Variants in MYO1B observed in about 807,000 individuals in gnomAD.
The protein encoded by MYO1B is myosin IB.
MYO1B carries 72 observed loss-of-function variants against 159.7 expected under a neutral mutation model. The observed-to-expected ratio is 0.45, with a 90% confidence interval of 0.37 to 0.55. The LOEUF (loss-of-function observed/expected upper bound fraction) is 0.55. MYO1B is among the 20% of genes least tolerant of loss of function. The probability of loss-of-function intolerance (pLI) is 0.00; values close to 1 mark genes in which losing one functional copy is unlikely to be tolerated. For missense variants in MYO1B, 1,062 were observed against 1,364.8 expected (o/e 0.78, Z 3.50); for synonymous variants, 468 against 473.8 (o/e 0.99, Z 0.16).
intron 5 of MYO1B, among the ~76,000 whole-genome samples, chr2:191,342,762 G>C (rs1274049498): frequency 6.6e-6 from 1 of 152,156 alleles, no homozygotes; most frequent in Non-Finnish European, 1.5e-5. Flanking sequence ...CATGAGAATC[G>C]CTTGAGTCTG....
intron 1 of MYO1B, among the ~76,000 whole-genome samples, chr2:191,258,725 A>G (rs1686611122): frequency 6.6e-6 from 1 of 152,174 alleles, no homozygotes; most frequent in African/African-American, 2.4e-5. Context: ...ATACACACTA[A>G]TACTGTGGAG....
intron 21 of MYO1B, among the ~76,000 whole-genome samples, chr2:191,399,673 A>G (rs1696484108): frequency 6.6e-6 from 1 of 152,184 alleles, no homozygotes; most frequent in Admixed American, 6.5e-5. Context: ...CGAGTCCAGC[A>G]ACACTGACTG....
chr2:191,304,735 T>G lies in MYO1B; in HGVS notation c.251+8509T>G, dbSNP rs546412833. 2.6e-5 allele frequency among the ~76,000 whole-genome samples: 4 copies of G among 152,330 alleles called. No homozygotes were observed. The South Asian group carries it at 8.3e-4, about 32-fold the overall frequency. The stretch of plus-strand genomic sequence containing the variant: ...AATGTTTTTATCATGAAAATTGTTA[T>G]GATATAAGAATACATTTATTAATTG... On this transcript the variant is annotated intron_variant, in intron 3 of 30. Transcript: ENST00000392318.
intron 4 of MYO1B, among the ~76,000 whole-genome samples, chr2:191,332,154 G>T (rs1017397330): frequency 2.0e-5 from 3 of 152,114 alleles, no homozygotes; most frequent in Admixed American, 2.0e-4. Context: ...GTAGAGATGG[G>T]GTTTCACCAT....
Position 191,424,717 on chromosome 2 carries a change from A to G in MYO1B, c.*757A>G, listed in dbSNP as rs1460348889. Reference sequence around the variant, plus strand: ...TCATTCTTATTTTAGAAAAAGTGACAGAAGCAGTCCAGTAAGATTATATGT... The same window carrying G: ...TCATTCTTATTTTAGAAAAAGTGACGGAAGCAGTCCAGTAAGATTATATGT... On this transcript the variant is annotated 3_prime_UTR_variant, in exon 31 of 31. Coordinates refer to ENST00000392318, the MANE Select transcript of MYO1B (RefSeq NM_001130158.3). 6.6e-6 allele frequency: 1 copy of G among 152,338 alleles called. No homozygotes were observed. Among genetic ancestry groups the G allele is most frequent in the East Asian group, 1.9e-4 (1 of 5,202 alleles). The allele number at this position is 152,338 out of a possible 1,614,324, so 9.4% of individuals were successfully genotyped here.
chr2:191,413,512 T>C (rs759321081), intron 27 of MYO1B, among the ~76,000 whole-genome samples: 3 of 152,212 alleles, frequency 2.0e-5, no homozygotes, highest in Admixed American at 6.5e-5. Flanking sequence ...TTAAGTGTTC[T>C]ATAGTTTTCT....
chr2:191,262,643 C>CT lies in MYO1B; in HGVS notation c.-9-14243dup, dbSNP rs1313935072. Among the ~76,000 whole-genome samples, 4 of 150,844 alleles carry CT rather than the reference C, an allele frequency of 2.7e-5. No individual in the cohort carries two copies. The East Asian group carries it at 7.9e-4, about 30-fold the overall frequency. ...TCCCCGCCCACCCATTCCCACCACT[C>CT]TAACACCTGTGAGCTCCTTAGGTCT... On this transcript the variant is annotated intron_variant, in intron 1 of 30. Coordinates refer to ENST00000392318, the MANE Select transcript of MYO1B (RefSeq NM_001130158.3).
chr2:191,299,447 G>A (rs10931495), intron 3 of MYO1B, among the ~76,000 whole-genome samples: 80,116 of 151,566 alleles, frequency 0.53, 21,873 homozygotes, highest in East Asian at 0.65. Flanking sequence ...CCCTCTCATG[G>A]GAGCATCCTT....
intron 3 of MYO1B, among the ~76,000 whole-genome samples, chr2:191,308,808 C>T (rs1689809182): frequency 6.6e-6 from 1 of 152,152 alleles, no homozygotes; most frequent in Non-Finnish European, 1.5e-5. Flanking sequence ...GTTTTGAATC[C>T]TCTTCTTCCT....
At chr2:191,288,243 TAAAAAAAA>T (rs5837228) in intron 2 of MYO1B, among the ~76,000 whole-genome samples, 1 of 145,282 alleles carries the variant, frequency 6.9e-6, no homozygotes, top group Non-Finnish European at 1.5e-5. Context: ...TAGCTTAGCT[TAAAAAAAA>T]AAAAAAGAAG....
intron 1 of MYO1B, among the ~76,000 whole-genome samples, chr2:191,265,192 T>G (rs1482533333): frequency 6.6e-6 from 1 of 151,604 alleles, no homozygotes; most frequent in African/African-American, 2.4e-5. Flanking sequence ...CCCCTGTTTT[T>G]TTTTTTTTTT....
chr2:191,359,152 G>A (rs1693495978), intron 7 of MYO1B, among the ~76,000 whole-genome samples: 3 of 152,038 alleles, frequency 2.0e-5, no homozygotes, highest in African/African-American at 4.8e-5. Context: ...AAGTAAAATC[G>A]TACTGCATGT....
intron 2 of MYO1B, among the ~76,000 whole-genome samples, chr2:191,284,798 A>C (rs1409588472): frequency 6.6e-6 from 1 of 152,088 alleles, no homozygotes; most frequent in African/African-American, 2.4e-5. Context: ...ACACCTGGCT[A>C]ATTTTTTGTA....
chr2:191,341,134 G>T (rs1169410217), intron 4 of MYO1B, among the ~76,000 whole-genome samples: 2 of 152,018 alleles, frequency 1.3e-5, no homozygotes, highest in African/African-American at 4.8e-5. Context: ...GTTATTTGTG[G>T]CTTATCAGTA....
chr2:191,384,858 TA>T (rs1367646334), intron 15 of MYO1B, among the ~76,000 whole-genome samples: 1 of 152,164 alleles, frequency 6.6e-6, no homozygotes, highest in African/African-American at 2.4e-5. Flanking sequence ...GGAACCTGGG[TA>T]TATAAAGGAA....
intron 13 of MYO1B, chr2:191,371,157 T>G (rs1413336355): frequency 6.6e-6 from 1 of 152,176 alleles, no homozygotes; most frequent in Non-Finnish European, 1.5e-5. Flanking sequence ...TTCACGGAAA[T>G]AAGAAGTAGA....
chr2:191,282,562 A>G (rs1156532574), intron 2 of MYO1B, among the ~76,000 whole-genome samples: 1 of 152,266 alleles, frequency 6.6e-6, no homozygotes, highest in Non-Finnish European at 1.5e-5. Context: ...ACATATCATA[A>G]AAATGTAGTT....
rs1187849793 is a variant in MYO1B at position 191,245,440 on chromosome 2, C to T, written c.-196C>T. 1.3e-5 allele frequency: 2 copies of T among 152,048 alleles called. No homozygotes were observed. Among genetic ancestry groups the T allele is most frequent in the African/African-American group, 4.8e-5 (2 of 41,432 alleles). 9.4% of individuals were successfully genotyped at this position (152,048 alleles called of 1,614,324 possible). A position where few individuals can be genotyped will look rare whatever the true frequency, so the allele number is the denominator to read the frequency against. ...AGCTGGGTGCGCACGGGAGCCTCAACCGCGGCGCGTGGAGGCAGTACCAGA... is the reference window on the plus strand; with the variant it reads ...AGCTGGGTGCGCACGGGAGCCTCAATCGCGGCGCGTGGAGGCAGTACCAGA... On this transcript the variant is annotated 5_prime_UTR_variant, in exon 1 of 31. Transcript: ENST00000392318.
rs184153005 is a variant in MYO1B at position 191,323,642 on chromosome 2, A to T, written c.252-6293A>T. On this transcript the variant is annotated intron_variant, in intron 3 of 30. Transcript: ENST00000392318. Reference sequence around the variant, plus strand: ...TGAGATCTGTGTTTTGAAAACAAGTATGATTCTAAAGGAAGAAGAAACTAA... The same window carrying T: ...TGAGATCTGTGTTTTGAAAACAAGTTTGATTCTAAAGGAAGAAGAAACTAA... Among the ~76,000 whole-genome samples, 585 of 152,322 alleles carry T rather than the reference A, an allele frequency of 3.8e-3. 4 individuals are homozygous for T. The highest frequency in any genetic ancestry group is 0.013 in the African/African-American group (560 of 41,580).
Sources: gnomAD v4.1 joint callset for allele counts (sites outside exome capture counted in the v4.1 genomes callset) on GRCh38, gnomAD v4.1.1 for gene constraint, MANE v1.5 for transcripts, NCBI Gene and HGNC (gene_info 2026-07-23, HGNC 2026-07-21) for gene names.